Variants in NRXN3 observed in about 807,000 individuals in gnomAD.
The protein encoded by NRXN3 is neurexin 3.
A neutral mutation model predicts 137.6 loss-of-function variants in NRXN3; 32 were observed. The ratio of observed to expected loss-of-function variants is 0.23; its 90% CI spans 0.18 to 0.31. NRXN3 has a LOEUF of 0.31. Among genes scored for constraint, NRXN3 ranks in the 10% least tolerant of loss-of-function variants. The probability of loss-of-function intolerance (pLI) is 1.00; values close to 1 mark genes in which losing one functional copy is unlikely to be tolerated. For synonymous variants in NRXN3, 798 were observed against 784.5 expected (o/e 1.02, Z -0.29); for missense variants, 1,574 against 2,062.5 (o/e 0.76, Z 4.59).
intron 4 of NRXN3, among the ~76,000 whole-genome samples, chr14:78,487,035 T>C (rs1292629116): frequency 6.6e-6 from 1 of 152,108 alleles, no homozygotes; most frequent in African/African-American, 2.4e-5. Flanking sequence ...TGTCCCCATA[T>C]GGTTGAGTTT....
intron 15 of NRXN3, among the ~76,000 whole-genome samples, chr14:79,155,487 T>A (rs2060181441): frequency 6.6e-6 from 1 of 151,948 alleles, no homozygotes; most frequent in Non-Finnish European, 1.5e-5. Context: ...ACTTGCACTG[T>A]TATTTACTTA....
At chr14:78,229,162 A>G (rs571912343) in intron 1 of NRXN3, among the ~76,000 whole-genome samples, 1 of 152,242 alleles carries the variant, frequency 6.6e-6, no homozygotes, top group South Asian at 2.1e-4. Flanking sequence ...GTTTCACACT[A>G]TAAAATCTTG....
At chr14:78,428,346 A>G (rs2093740807) in intron 4 of NRXN3, among the ~76,000 whole-genome samples, 2 of 152,120 alleles carry the variant, frequency 1.3e-5, no homozygotes, top group Non-Finnish European at 1.5e-5. Context: ...AACTTAGGCC[A>G]ACATCAACCC....
intron 19 of NRXN3, among the ~76,000 whole-genome samples, chr14:79,752,778 G>A (rs2154091295): frequency 6.6e-6 from 1 of 151,990 alleles, no homozygotes; most frequent in South Asian, 2.1e-4. Context: ...AGAGTGAACA[G>A]GCAACCTACA....
intron 17 of NRXN3, among the ~76,000 whole-genome samples, chr14:79,675,846 C>G (rs1286561915): frequency 6.6e-6 from 1 of 152,060 alleles, no homozygotes; most frequent in Non-Finnish European, 1.5e-5. Context: ...TGTTTCTTTA[C>G]TTCTGTTACT....
At chr14:78,344,611 G>A (rs1367407291) in intron 4 of NRXN3, among the ~76,000 whole-genome samples, 4 of 152,174 alleles carry the variant, frequency 2.6e-5, no homozygotes, top group African/African-American at 4.8e-5. Flanking sequence ...GGCTGCTTTC[G>A]TTTGAGACTT....
intron 4 of NRXN3, among the ~76,000 whole-genome samples, chr14:78,312,688 GGTTAA>G (rs1414822339): frequency 6.6e-6 from 1 of 151,846 alleles, no homozygotes; most frequent in African/African-American, 2.4e-5. Flanking sequence ...GTGTCTGATG[GGTTAA>G]GTTTAGTGCC....
intron 15 of NRXN3, among the ~76,000 whole-genome samples, chr14:79,141,146 GTGT>G (rs2058749732): frequency 1.3e-5 from 2 of 152,164 alleles, no homozygotes; most frequent in African/African-American, 4.8e-5. Context: ...ATTCCTGAGT[GTGT>G]TGGGCGTAGT....
intron 8 of NRXN3, among the ~76,000 whole-genome samples, chr14:78,760,465 C>T (rs2098688752): frequency 6.8e-6 from 1 of 147,890 alleles, no homozygotes; most frequent in African/African-American, 2.5e-5. Flanking sequence ...AAAATACCCT[C>T]TTTCTTTGGT....
At chr14:79,422,224 AT>A (rs11362359) in intron 15 of NRXN3, among the ~76,000 whole-genome samples, 65,992 of 150,964 alleles carry the variant, frequency 0.44, 15,608 homozygotes, top group African/African-American at 0.62. Flanking sequence ...ACCCCCAGCA[AT>A]TTTTTTTTTG....
intron 1 of NRXN3, among the ~76,000 whole-genome samples, chr14:78,209,661 G>T (rs2062555426): frequency 6.6e-6 from 1 of 152,032 alleles, no homozygotes; most frequent in Non-Finnish European, 1.5e-5. Context: ...ACAGCATAGG[G>T]GAGCCACCCT....
intron 15 of NRXN3, among the ~76,000 whole-genome samples, chr14:79,404,942 C>T (rs1341423342): frequency 2.0e-5 from 3 of 152,050 alleles, no homozygotes; most frequent in Non-Finnish European, 4.4e-5. Flanking sequence ...AGAGAGAAGC[C>T]AGTGGGTGGT....
chr14:78,580,393 G>C (rs569279972), intron 4 of NRXN3, among the ~76,000 whole-genome samples: 2 of 152,084 alleles, frequency 1.3e-5, no homozygotes, highest in African/African-American at 4.8e-5. Context: ...TTGACACCAG[G>C]CTCATTGGTA....
intron 1 of NRXN3, among the ~76,000 whole-genome samples, chr14:78,202,926 G>A (rs1333694456): frequency 6.6e-6 from 1 of 152,200 alleles, no homozygotes; most frequent in Admixed American, 6.5e-5. Flanking sequence ...TAGAACACTA[G>A]AATAAAGCAA....
intron 15 of NRXN3, among the ~76,000 whole-genome samples, chr14:79,354,064 C>T (rs76504799): frequency 0.024 from 3,581 of 152,128 alleles, 135 homozygotes; most frequent in African/African-American, 0.082. Flanking sequence ...TAATGTTTTC[C>T]GACCCTAAGT....
At chr14:79,553,618 G>C (rs1252581432) in intron 16 of NRXN3, among the ~76,000 whole-genome samples, 1 of 152,164 alleles carries the variant, frequency 6.6e-6, no homozygotes, top group Admixed American at 6.5e-5. Context: ...GCACATACAG[G>C]TGGCACAGGT....
intron 15 of NRXN3, among the ~76,000 whole-genome samples, chr14:79,244,273 A>C (rs139623557): frequency 6.6e-6 from 1 of 152,012 alleles, no homozygotes; most frequent in Non-Finnish European, 1.5e-5. Context: ...ATCCTCCTCA[A>C]TCCTATGCTC....
chr14:79,467,830 G>A (rs2096450804), intron 16 of NRXN3, among the ~76,000 whole-genome samples: 1 of 152,190 alleles, frequency 6.6e-6, no homozygotes, highest in Admixed American at 6.5e-5. Context: ...GGACTTTGCA[G>A]GTCAGATAGT....
intron 16 of NRXN3, among the ~76,000 whole-genome samples, chr14:79,540,179 G>A (rs183896887): frequency 3.5e-5 from 4 of 113,776 alleles, no homozygotes; most frequent in Admixed American, 1.7e-4. Context: ...TTTGAAGGAT[G>A]AAGAGACTTG....
Sources: gnomAD v4.1 joint callset for allele counts (sites outside exome capture counted in the v4.1 genomes callset) on GRCh38, gnomAD v4.1.1 for gene constraint, MANE v1.5 for transcripts, NCBI Gene and HGNC (gene_info 2026-07-23, HGNC 2026-07-21) for gene names.